The following CFAP74 variants were observed in gnomAD, a reference collection of about 807,000 sequenced individuals.
CFAP74 encodes cilia- and flagella-associated protein 74.
Under a neutral mutation model 188.9 loss-of-function variants are expected in CFAP74, and 124 were observed. The ratio of observed to expected loss-of-function variants is 0.66; its 90% CI spans 0.57 to 0.76. The LOEUF (loss-of-function observed/expected upper bound fraction) is 0.76, where lower values mean the gene tolerates loss of function less well. CFAP74 is among the 30% of genes least tolerant of loss of function. The pLI is 0.00. For synonymous variants in CFAP74, 956 were observed against 916.7 expected (o/e 1.04, Z -0.77); for missense variants, 2,198 against 2,165.2 (o/e 1.02, Z -0.30).
In CFAP74 at chr1:1,973,945, T is replaced by C. The variant is rs1656262001; in HGVS notation, c.674+80A>G. The C allele has an allele frequency of 1.5e-6, 2 of 1,345,932 alleles. No individual in the cohort carries two copies. Among genetic ancestry groups the C allele is most frequent in the East Asian group, 5.5e-5 (2 of 36,622 alleles). 83.4% of individuals were successfully genotyped at this position (1,345,932 alleles called of 1,614,324 possible). A position where few individuals can be genotyped will look rare whatever the true frequency, so the allele number is the denominator to read the frequency against. On this transcript the variant is annotated intron_variant, in intron 7 of 38. Coordinates refer to ENST00000682832, the MANE Select transcript of CFAP74 (RefSeq NM_001304360.2). The surrounding 1 kb of genome is among the most constrained non-coding windows in gnomAD (Gnocchi z 6.2). ...CAGATGTGGAGGGCGAGGCTGAATC[T>C]GGAGACCCCTGGGGGAGAGGGCGGA...
chr1:1,959,099 C>T, intron 16 of CFAP74, 21 bp downstream of exon 16: 1 of 1,573,430 alleles, frequency 6.4e-7, no homozygotes, highest in Non-Finnish European at 8.7e-7. Context: ...GAAATGCTGG[C>T]TCGGACACCT....
rs113371848 is a variant in CFAP74, at chr1:1,937,005, T to C, written c.3011+1850A>G. Among the ~76,000 whole-genome samples, 300 of 152,234 alleles carry C rather than the reference T, an allele frequency of 2.0e-3. 1 individual carries two copies. The highest frequency in any genetic ancestry group is 6.9e-3 in the African/African-American group (288 of 41,522). The stretch of plus-strand genomic sequence containing the variant: ...GGTCGAATCACAGGTGACATTGTTA[T>C]GAGACGAGAGAGAATGAGGAGTGGA... On this transcript the variant is annotated intron_variant, in intron 25 of 38. Coordinates refer to ENST00000682832, the MANE Select transcript of CFAP74 (RefSeq NM_001304360.2).
At chr1:2,000,925 GC>G (rs1256922205) in intron 1 of CFAP74, among the ~76,000 whole-genome samples, 2 of 152,304 alleles carry the variant, frequency 1.3e-5, no homozygotes, top group East Asian at 3.9e-4. Flanking sequence ...AAAGACAGAG[GC>G]CCGCCTGATG....
Position 1,946,324 on chromosome 1 carries a change from C to T in CFAP74, c.2357G>A (p.Cys786Tyr). 6.5e-7 allele frequency: 1 copy of T among 1,535,750 alleles called. No individual in the cohort carries two copies. The highest frequency in any genetic ancestry group is 2.4e-5 in the East Asian group (1 of 40,912). ...GGCAGCAGGAATACTCACCGTGGGG[C>T]ACTGGGGGTTCTTAAACGTGACTTT... is the stretch of plus-strand genomic sequence containing the variant. ...RFKVTFKNPQ[C>Y]PTLHFRVVGV... Residue 786 changes from cysteine to tyrosine, a missense_variant, in exon 20 of 39, where the codon TGC becomes TAC. Cys to Tyr is a radical substitution (Grantham distance 194). Coordinates refer to ENST00000682832, the MANE Select transcript of CFAP74 (RefSeq NM_001304360.2).
At chr1:1,961,218 A>G (rs984016204) in intron 14 of CFAP74, among the ~76,000 whole-genome samples, 3 of 152,154 alleles carry the variant, frequency 2.0e-5, no homozygotes, top group African/African-American at 7.2e-5. Flanking sequence ...CGGAGAATGA[A>G]TGGGGGAGGG....
chr1:1,993,968 C>T (rs1052326411), intron 1 of CFAP74, among the ~76,000 whole-genome samples: 5 of 150,578 alleles, frequency 3.3e-5, no homozygotes, highest in Non-Finnish European at 5.9e-5. Context: ...GGCGACAGAG[C>T]AAGACTCCGT....
Position 1,923,237 on chromosome 1 carries a change from C to T in CFAP74, c.4523-92G>A. Reference sequence around the variant, plus strand: ...ACTCCTGAACTCTGGTTAGCAGTGGCTGTCCTGCTTGGCTCTGGGGTAGAA... The same window carrying T: ...ACTCCTGAACTCTGGTTAGCAGTGGTTGTCCTGCTTGGCTCTGGGGTAGAA... On this transcript the variant is annotated intron_variant, in intron 36 of 38. Coordinates refer to ENST00000682832, the MANE Select transcript of CFAP74 (RefSeq NM_001304360.2). This position sits in a 1 kb window ranked among gnomAD's most constrained non-coding sequence, Gnocchi z 6.3. 6.7e-7 allele frequency: 1 copy of T among 1,496,408 alleles called. No homozygotes were observed. Among genetic ancestry groups the T allele is most frequent in the Admixed American group, 2.3e-5 (1 of 43,636 alleles). 92.7% of individuals were successfully genotyped at this position (1,496,408 alleles called of 1,614,324 possible).
Position 1,973,979 on chromosome 1 carries a change from C to T in CFAP74, c.674+46G>A. 2 of 1,473,312 alleles carry T rather than the reference C, an allele frequency of 1.4e-6. No individual in the cohort carries two copies. The highest frequency in any genetic ancestry group is 2.5e-4 in the Middle Eastern group (1 of 3,974). The allele number at this position is 1,473,312 out of a possible 1,614,324, so 91.3% of individuals were successfully genotyped here. A position where few individuals can be genotyped will look rare whatever the true frequency, so the allele number is the denominator to read the frequency against. On this transcript the variant is annotated intron_variant, in intron 7 of 38. Coordinates refer to ENST00000682832, the MANE Select transcript of CFAP74 (RefSeq NM_001304360.2). The surrounding 1 kb of genome is among the most constrained non-coding windows in gnomAD (Gnocchi z 6.2). ...CTGGGGGAGAGGGCGGAGGGGCTGG[C>T]AGAAGCTGCTGGGAAGGGATGGAGG...
At chr1:1,940,970 G>A (rs966814610) in intron 22 of CFAP74, among the ~76,000 whole-genome samples, 74 of 152,014 alleles carry the variant, frequency 4.9e-4, no homozygotes, top group African/African-American at 1.6e-3. Context: ...AAAATTAGCC[G>A]GGCGTGGTGG....
At position 1,955,847 on chromosome 1, in the gene CFAP74, T is replaced by C. The variant is rs571138811; in HGVS notation, c.2020A>G (p.Ser674Gly). ...DDSQSALKLS[S>G]LLTYEDKSLY... ...CTTTTATCTTCGTAGGTCAGGAGAC[T>C]GCTCTAGAGAGGAGAATCAACATCC... The change falls in exon 18 of 39, where the codon AGT becomes GGT. Residue 674 changes from serine to glycine, a missense_variant. By Grantham distance (56) the Ser-to-Gly change is moderately conservative (BLOSUM62 0). Coordinates refer to ENST00000682832, the MANE Select transcript of CFAP74 (RefSeq NM_001304360.2). 252 of 1,609,628 alleles carry C rather than the reference T, an allele frequency of 1.6e-4. 4 individuals are homozygous for C. In the South Asian group the frequency reaches 2.3e-3, roughly 15 times the overall value.
intron 6 of CFAP74, among the ~76,000 whole-genome samples, chr1:1,976,445 T>G (rs1656449453): frequency 6.6e-6 from 1 of 152,198 alleles, no homozygotes; most frequent in South Asian, 2.1e-4. Flanking sequence ...CCACTGTGAT[T>G]GGAGGCTTCC....
Position 1,947,197 on chromosome 1 carries a change from C to T in CFAP74, c.2177-143G>A, listed in dbSNP as rs879097871. 2.0e-4 allele frequency: 132 copies of T among 662,140 alleles called. 1 individual carries two copies. The East Asian group carries it at 3.2e-3, about 16-fold the overall frequency. 41.0% of individuals were successfully genotyped at this position (662,140 alleles called of 1,614,324 possible). On this transcript the variant is annotated intron_variant, in intron 18 of 38. Transcript: ENST00000682832. ...AACATAGTGGAGCCATCCGTGTGGCCCCTTGGGGCACCCAGGCCCAGAGAG... is the reference window on the plus strand; with the variant it reads ...AACATAGTGGAGCCATCCGTGTGGCTCCTTGGGGCACCCAGGCCCAGAGAG...
At chr1:1,955,509 A>G in intron 18 of CFAP74, 182 bp downstream of exon 18, 1 of 1,607,156 alleles carries the variant, frequency 6.2e-7, no homozygotes, top group Non-Finnish European at 8.5e-7. Flanking sequence ...ATTTTCGTCC[A>G]CTCCAAAAAC....
In CFAP74 at chr1:1,947,025, G is replaced by A; in HGVS notation, c.2206C>T (p.Pro736Ser). The A allele has an allele frequency of 6.5e-7, 1 of 1,536,124 alleles. No homozygotes were observed. The highest frequency in any genetic ancestry group is 1.4e-5 in the African/African-American group (1 of 73,184). The change falls in exon 19 of 39, where the codon CCC becomes TCC. Residue 736 changes from proline (P) to serine (S), a missense_variant. Coordinates refer to ENST00000682832, the MANE Select transcript of CFAP74 (RefSeq NM_001304360.2). ...EPERLTTVIP[P>S]SEEQTEITLG... is the part of the protein sequence containing the mutation. ...GTGATCTCCGTCTGCTCTTCGCTGG[G>A]AGGTATCACTGTGGTTAATCTCTCT...
Position 1,923,732 on chromosome 1 carries a change from G to T in CFAP74, c.4389+43C>A. ...AGCCAAAGGCAAGGCCCTGCGTGGG[G>T]CCAGGGCCGGGCCGGGCTGAGCTTG... On this transcript the variant is annotated intron_variant, in intron 35 of 38. Transcript: ENST00000682832. The surrounding 1 kb of genome is among the most constrained non-coding windows in gnomAD (Gnocchi z 6.3). 1 of 1,611,868 alleles carries T rather than the reference G, an allele frequency of 6.2e-7. No homozygotes were observed. The highest frequency in any genetic ancestry group is 8.5e-7 in the Non-Finnish European group (1 of 1,179,046).
chr1:1,987,835 C>T (rs1193452467), intron 4 of CFAP74: 7 of 330,370 alleles, frequency 2.1e-5, no homozygotes, highest in East Asian at 1.7e-4. Context: ...CCACCGCGCC[C>T]GGCCATGACG....
intron 25 of CFAP74, among the ~76,000 whole-genome samples, chr1:1,931,118 G>T (rs986770588): frequency 6.6e-6 from 1 of 152,122 alleles, no homozygotes; most frequent in South Asian, 2.1e-4. Flanking sequence ...GTGACCACAG[G>T]CTCTAAATGC....
In CFAP74 at chr1:1,991,853, C is replaced by A. The variant is rs1415312589; in HGVS notation, c.-19-878G>T. 3.3e-5 allele frequency among the ~76,000 whole-genome samples: 5 copies of A among 151,124 alleles called. No individual in the cohort carries two copies. The South Asian group carries it at 8.5e-4, about 26-fold the overall frequency. Reference sequence around the variant, plus strand: ...AGGAGATCGAGACTATCCTGGCTAGCACAGTGAAACCCCATCTCTACTAAA... The same window carrying A: ...AGGAGATCGAGACTATCCTGGCTAGAACAGTGAAACCCCATCTCTACTAAA... On this transcript the variant is annotated intron_variant, in intron 1 of 38. Coordinates refer to ENST00000682832, the MANE Select transcript of CFAP74 (RefSeq NM_001304360.2).
At chr1:1,956,965 G>A in intron 16 of CFAP74, among the ~76,000 whole-genome samples, 181 bp from the exon 17 acceptor site, 1 of 152,258 alleles carries the variant, frequency 6.6e-6, no homozygotes, top group Non-Finnish European at 1.5e-5. Context: ...ACAAGGTGTG[G>A]CACGCGAGTC....
Sources: allele counts gnomAD v4.1 joint callset (sites outside exome capture counted in the v4.1 genomes callset), GRCh38; gene constraint gnomAD v4.1.1; non-coding constraint Gnocchi (gnomAD v3.1); transcripts MANE v1.5; gene names NCBI Gene and HGNC (gene_info 2026-07-23, HGNC 2026-07-21).